The following PALD1 variants were observed in gnomAD, a reference collection of about 807,000 sequenced individuals.
PALD1 encodes phosphatase domain containing paladin 1.
In PALD1, 57 loss-of-function variants were observed where a neutral mutation model predicts 96.0. The observed-to-expected ratio is 0.59, with a 90% CI of 0.48 to 0.74. PALD1 has a LOEUF of 0.74. Ranked by LOEUF, PALD1 falls within the 30% of genes least tolerant of loss-of-function variation. The pLI is 0.00. For missense variants in PALD1, 1,063 were observed against 1,143.7 expected (o/e 0.93, Z 1.02); for synonymous variants, 464 against 473.6 (o/e 0.98, Z 0.26).
At chr10:70,563,026 G>A (rs7909375) in intron 18 of PALD1, among the ~76,000 whole-genome samples, 16,845 of 152,154 alleles carry the variant, frequency 0.11, 1,069 homozygotes, top group Middle Eastern at 0.18. Context: ...AAGCCATAAC[G>A]TGTAACCTTA....
At chr10:70,524,804 G>T (rs927952271) in intron 1 of PALD1, among the ~76,000 whole-genome samples, 1 of 152,178 alleles carries the variant, frequency 6.6e-6, no homozygotes, top group Non-Finnish European at 1.5e-5. Context: ...TGGGCTAGAG[G>T]TTGTTTCCAA....
intron 1 of PALD1, among the ~76,000 whole-genome samples, chr10:70,483,360 T>TGA (rs1845966277): frequency 6.6e-6 from 1 of 152,128 alleles, no homozygotes; most frequent in African/African-American, 2.4e-5. Flanking sequence ...GGGGCACTGA[T>TGA]GAGAGAGGCA....
chr10:70,479,277 G>A (rs1318569807), intron 1 of PALD1, among the ~76,000 whole-genome samples: 1 of 152,226 alleles, frequency 6.6e-6, no homozygotes, highest in Non-Finnish European at 1.5e-5. Context: ...TGGACCCTGG[G>A]CTACCCCCTC....
chr10:70,564,535 G>A lies in PALD1; in HGVS notation c.2418+16G>A, dbSNP rs779116929. The A allele has an allele frequency of 5.6e-6, 9 of 1,610,740 alleles. No individual in the cohort carries two copies. The highest frequency in any genetic ancestry group is 7.6e-6 in the Non-Finnish European group (9 of 1,178,408). Reference sequence around the variant, plus strand: ...GATGCAGGAGGTGAGGGGAGGCTGAGGCCGAGAGGGGCCGGGGCGATGGCT... The same window carrying A: ...GATGCAGGAGGTGAGGGGAGGCTGAAGCCGAGAGGGGCCGGGGCGATGGCT... On this transcript the variant is annotated intron_variant, in intron 19 of 19. Coordinates refer to ENST00000263563, the MANE Select transcript of PALD1 (RefSeq NM_014431.3).
Position 70,497,801 on chromosome 10 carries a change from T to A in PALD1, c.-30+18742T>A, listed in dbSNP as rs1846222117. Among the ~76,000 whole-genome samples, 4 of 152,152 alleles carry A rather than the reference T, an allele frequency of 2.6e-5. No homozygotes were observed. In the South Asian group the frequency reaches 8.3e-4, roughly 31 times the overall value. On this transcript the variant is annotated intron_variant, in intron 1 of 19. Transcript: ENST00000263563. ...CATGTTAACCAGGATGGTCTTGATC[T>A]CCTGACCTCGTGATCTGCCCGCCTT...
In PALD1 at chr10:70,488,940, A is replaced by ATGTATCCTCCTG. The variant is rs1564682324; in HGVS notation, c.-30+9881_-30+9882insTGTATCCTCCTG. ...GGGGTCTGGGTGGATGTATCCTCCTACTGCTGGGGGTTCTGGGCGGATGTG... is the reference window on the plus strand; with the variant it reads ...GGGGTCTGGGTGGATGTATCCTCCTATGTATCCTCCTGCTGCTGGGGGTTCTGGGCGGATGTG... On this transcript the variant is annotated intron_variant, in intron 1 of 19. Transcript: ENST00000263563. 6.7e-5 allele frequency among the ~76,000 whole-genome samples: 10 copies of ATGTATCCTCCTG among 148,638 alleles called. 1 individual carries two copies. Among genetic ancestry groups the ATGTATCCTCCTG allele is most frequent in the Middle Eastern group, 3.4e-3 (1 of 292 alleles).
intron 1 of PALD1, among the ~76,000 whole-genome samples, chr10:70,501,966 T>A (rs770494697): frequency 9.2e-5 from 14 of 152,138 alleles, no homozygotes; most frequent in Non-Finnish European, 1.8e-4. Flanking sequence ...GATATTTTTC[T>A]ACATCAGTAA....
In PALD1 at chr10:70,539,860, T is replaced by C. The variant is rs1279275735; in HGVS notation, c.1908+98T>C. On this transcript the variant is annotated intron_variant, in intron 15 of 19. Transcript: ENST00000263563. This position sits in a 1 kb window ranked among gnomAD's most constrained non-coding sequence, Gnocchi z 4.5. ...TCTGGGAGAATGAAACGACCCCAGC[T>C]TCTCTACGGGGCCCGGGAATGGTCT... The C allele has an allele frequency of 9.2e-7, 1 of 1,082,468 alleles. No individual in the cohort carries two copies. Among genetic ancestry groups the C allele is most frequent in the Non-Finnish European group, 1.3e-6 (1 of 749,822 alleles). The allele number at this position is 1,082,468 out of a possible 1,614,324, so 67.1% of individuals were successfully genotyped here.
chr10:70,460,386 C>T, the PALD1 span, among the ~76,000 whole-genome samples: 6 of 152,180 alleles, frequency 3.9e-5, no homozygotes, highest in Non-Finnish European at 7.3e-5. Flanking sequence ...GCCTACCGTG[C>T]GTCTCCCGTG....
At chr10:70,559,239 T>C (rs535349324) in intron 18 of PALD1, among the ~76,000 whole-genome samples, 1 of 152,174 alleles carries the variant, frequency 6.6e-6, no homozygotes, top group South Asian at 2.1e-4. Flanking sequence ...GGAGCTGTGC[T>C]GGCATCCGGG....
the PALD1 span, among the ~76,000 whole-genome samples, chr10:70,463,755 T>C: frequency 1.7e-3 from 263 of 152,042 alleles, no homozygotes; most frequent in African/African-American, 6.1e-3. Context: ...AGGAACTGAG[T>C]GGCCACCTCA....
At chr10:70,496,234 G>A (rs957850180) in intron 1 of PALD1, among the ~76,000 whole-genome samples, 6 of 152,098 alleles carry the variant, frequency 3.9e-5, no homozygotes, top group Non-Finnish European at 5.9e-5. Flanking sequence ...CTCAGGGGAG[G>A]GCAGAGTATG....
At chr10:70,518,841 G>A (rs932678026) in intron 1 of PALD1, among the ~76,000 whole-genome samples, 1 of 152,114 alleles carries the variant, frequency 6.6e-6, no homozygotes, top group African/African-American at 2.4e-5. Context: ...CTGCCCCCTG[G>A]CAGACACATG....
intron 18 of PALD1, among the ~76,000 whole-genome samples, chr10:70,559,175 G>T (rs570478831): frequency 3.9e-5 from 6 of 152,280 alleles, no homozygotes; most frequent in African/African-American, 1.4e-4. Context: ...CTTGCAGTGA[G>T]GGGTGGTTAG....
chr10:70,548,371 T>G (rs1467617512), intron 18 of PALD1, among the ~76,000 whole-genome samples: 2 of 152,184 alleles, frequency 1.3e-5, no homozygotes, highest in Admixed American at 1.3e-4. Context: ...CTGGAAAGAA[T>G]GTGCCCTCAA....
the PALD1 span, among the ~76,000 whole-genome samples, chr10:70,473,241 C>G: frequency 6.6e-6 from 1 of 152,340 alleles, no homozygotes; most frequent in African/African-American, 2.4e-5. Flanking sequence ...CCCGACTCTG[C>G]AGGAAACACA....
rs1219770708 is a variant in PALD1, at chr10:70,568,008, A to C, written c.*1275A>C. 6.6e-6 allele frequency: 1 copy of C among 152,024 alleles called. No individual in the cohort carries two copies. Among genetic ancestry groups the C allele is most frequent in the African/African-American group, 2.4e-5 (1 of 41,384 alleles). 9.4% of individuals were successfully genotyped at this position (152,024 alleles called of 1,614,324 possible). A position where few individuals can be genotyped will look rare whatever the true frequency, so the allele number is the denominator to read the frequency against. ...GTGTACTTCTGCAGGAAAAAAAAAAAAGGATGTGTCATTGGTCATGATATT... is the reference window on the plus strand; with the variant it reads ...GTGTACTTCTGCAGGAAAAAAAAAACAGGATGTGTCATTGGTCATGATATT... On this transcript the variant is annotated 3_prime_UTR_variant, in exon 20 of 20. Transcript: ENST00000263563.
At chr10:70,565,935 G>A (rs940730261) in intron 19 of PALD1, among the ~76,000 whole-genome samples, 5 of 152,188 alleles carry the variant, frequency 3.3e-5, no homozygotes, top group Admixed American at 6.5e-5. Flanking sequence ...GAGGGCTGCC[G>A]GTCCAGGCAG....
rs77270858 is a variant in PALD1 at position 70,559,850 on chromosome 10, G to A, written c.2263-4514G>A. On this transcript the variant is annotated intron_variant, in intron 18 of 19. Transcript: ENST00000263563. ...AGCACTTGAGCTGCTGGCATGTCCA[G>A]TCTGCAATCCTCAGAGTCTGTCTAG... Among the ~76,000 whole-genome samples, 753 of 152,264 alleles carry A rather than the reference G, an allele frequency of 4.9e-3. 3 individuals carry two copies. Among genetic ancestry groups the A allele is most frequent in the African/African-American group, 0.017 (692 of 41,502 alleles).
Sources: gnomAD v4.1 joint callset for allele counts (sites outside exome capture counted in the v4.1 genomes callset) on GRCh38, gnomAD v4.1.1 for gene constraint, Gnocchi (gnomAD v3.1) non-coding constraint, MANE v1.5 for transcripts, NCBI Gene and HGNC (gene_info 2026-07-23, HGNC 2026-07-21) for gene names.